Variants in NRXN3 observed in about 807,000 individuals in gnomAD.
The protein encoded by NRXN3 is neurexin III.
In NRXN3, 32 loss-of-function variants were observed where a neutral mutation model predicts 137.6. That is an observed-to-expected ratio of 0.23 (90% CI 0.18 to 0.31). The LOEUF (loss-of-function observed/expected upper bound fraction) is 0.31. NRXN3 is among the 10% of genes least tolerant of loss of function. The pLI, the probability that NRXN3 is intolerant of heterozygous loss-of-function variation, is 1.00. For synonymous variants in NRXN3, 798 were observed against 784.5 expected, an observed-to-expected ratio of 1.02 and a Z score of -0.29; for missense variants, 1,574 against 2,062.5, an observed-to-expected ratio of 0.76 and a Z score of 4.59.
At chr14:79,674,588 C>T (rs1353323645) in intron 17 of NRXN3, among the ~76,000 whole-genome samples, 2 of 151,960 alleles carry the variant, frequency 1.3e-5, no homozygotes, top group Non-Finnish European at 2.9e-5. Flanking sequence ...CCAGGTTGCC[C>T]ACTCCACTTT....
chr14:78,384,362 G>A (rs1408406538), intron 4 of NRXN3, among the ~76,000 whole-genome samples: 1 of 151,984 alleles, frequency 6.6e-6, no homozygotes, highest in African/African-American at 2.4e-5. Flanking sequence ...AGGAGAGGCT[G>A]GAATGTTGGA....
At chr14:79,027,181 A>G (rs2099600065) in intron 15 of NRXN3, among the ~76,000 whole-genome samples, 1 of 151,268 alleles carries the variant, frequency 6.6e-6, no homozygotes, top group South Asian at 2.1e-4. Flanking sequence ...AAAGCCATAT[A>G]TTCTTTTTTT....
intron 10 of NRXN3, among the ~76,000 whole-genome samples, chr14:78,851,386 G>A (rs2099042101): frequency 6.6e-6 from 1 of 152,164 alleles, no homozygotes. Flanking sequence ...GCAAGCCAGT[G>A]CAAACAGTCT....
intron 11 of NRXN3, among the ~76,000 whole-genome samples, chr14:78,965,431 C>T (rs1235415519): frequency 1.3e-5 from 2 of 152,052 alleles, no homozygotes; most frequent in African/African-American, 4.8e-5. Context: ...ATTGAGTGGT[C>T]TAGGCTGAGT....
At chr14:78,926,834 TA>T (rs1302485265) in intron 10 of NRXN3, among the ~76,000 whole-genome samples, 267 of 24,396 alleles carry the variant, frequency 0.011, 11 homozygotes, top group Middle Eastern at 0.11. Context: ...ATATAATTTA[TA>T]TAAATATATA....
intron 15 of NRXN3, among the ~76,000 whole-genome samples, chr14:79,218,183 C>T (rs772058340): frequency 7.2e-5 from 11 of 152,156 alleles, no homozygotes; most frequent in Non-Finnish European, 1.2e-4. Flanking sequence ...CTATAGTTTG[C>T]ACCCGAAAGC....
chr14:79,030,598 T>A (rs537773915), intron 15 of NRXN3, among the ~76,000 whole-genome samples: 5 of 151,060 alleles, frequency 3.3e-5, no homozygotes, highest in African/African-American at 1.2e-4. Flanking sequence ...TACCTCAAAT[T>A]GTACAGGTAC....
At chr14:79,240,063 T>C (rs2074029004) in intron 15 of NRXN3, among the ~76,000 whole-genome samples, 1 of 152,094 alleles carries the variant, frequency 6.6e-6, no homozygotes, top group African/African-American at 2.4e-5. Context: ...TTAGAAGGAA[T>C]TGATGATAAG....
chr14:79,759,672 A>G (rs747073105), intron 19 of NRXN3, among the ~76,000 whole-genome samples: 50 of 151,690 alleles, frequency 3.3e-4, no homozygotes, highest in Admixed American at 1.2e-3. Context: ...TTCAAAGCAA[A>G]TATCTGCTAT....
chr14:79,082,164 C>T (rs1482932393), intron 15 of NRXN3, among the ~76,000 whole-genome samples: 8 of 151,612 alleles, frequency 5.3e-5, no homozygotes, highest in African/African-American at 1.9e-4. Flanking sequence ...TACATATATA[C>T]ATCTATATAT....
intron 4 of NRXN3, among the ~76,000 whole-genome samples, chr14:78,635,705 A>T (rs1003715575): frequency 4.6e-5 from 7 of 151,986 alleles, no homozygotes; most frequent in African/African-American, 1.7e-4. Flanking sequence ...AGTACTTTTG[A>T]TGATTCTTTT....
Position 78,243,783 on chromosome 14 carries a change from T to G in NRXN3, c.690T>G (p.Gly230=). ...PTCDCSTTGY[G]GKLCSEDVSQ... is the part of the protein sequence containing the mutation. ...GTGACTGTTCTACCACTGGCTATGG[T>G]GGCAAGCTCTGCTCAGAAGGTAAGA... Residue 230 remains glycine (G), a synonymous_variant, in exon 2 of 21, where the codon GGT becomes GGG. Transcript: ENST00000335750. This position sits in a 1 kb window ranked among gnomAD's most constrained non-coding sequence, Gnocchi z 4.2. The G allele has an allele frequency of 6.3e-7, 1 of 1,586,150 alleles. No individual in the cohort carries two copies. The highest frequency in any genetic ancestry group is 1.7e-5 in the Admixed American group (1 of 59,246).
intron 19 of NRXN3, among the ~76,000 whole-genome samples, chr14:79,728,194 C>T (rs1603451023): frequency 1.3e-5 from 2 of 152,152 alleles, no homozygotes; most frequent in African/African-American, 4.8e-5. Context: ...CTACCTGGAA[C>T]AGTCTGATTT....
At chr14:78,680,545 T>C (rs2098063951) in intron 6 of NRXN3, among the ~76,000 whole-genome samples, 1 of 152,212 alleles carries the variant, frequency 6.6e-6, no homozygotes, top group Non-Finnish European at 1.5e-5. Flanking sequence ...CAGTGGAATC[T>C]GAGTTTGGAA....
intron 8 of NRXN3, among the ~76,000 whole-genome samples, chr14:78,723,410 G>T (rs1241976601): frequency 4.6e-5 from 7 of 152,196 alleles, no homozygotes; most frequent in Non-Finnish European, 8.8e-5. Flanking sequence ...AGCTGAAATT[G>T]AATTAGAGCA....
chr14:79,269,494 G>A (rs1389125394), intron 15 of NRXN3, among the ~76,000 whole-genome samples: 2 of 152,108 alleles, frequency 1.3e-5, no homozygotes, highest in South Asian at 2.1e-4. Context: ...TTTATCCTAG[G>A]TATCTCCTGA....
chr14:79,825,431 G>A (rs775283621), intron 20 of NRXN3, among the ~76,000 whole-genome samples: 1 of 152,110 alleles, frequency 6.6e-6, no homozygotes, highest in Non-Finnish European at 1.5e-5. Context: ...TTAATGAGTA[G>A]CCACGTTGAC....
At chr14:79,805,482 C>A (rs927260231) in intron 20 of NRXN3, among the ~76,000 whole-genome samples, 3 of 151,996 alleles carry the variant, frequency 2.0e-5, no homozygotes, top group Non-Finnish European at 4.4e-5. Flanking sequence ...CCCAGACTTA[C>A]CACTGGAGCA....
intron 4 of NRXN3, among the ~76,000 whole-genome samples, chr14:78,548,352 G>T (rs2096655589): frequency 6.6e-6 from 1 of 152,088 alleles, no homozygotes; most frequent in Non-Finnish European, 1.5e-5. Context: ...AGGTGGCTTT[G>T]AGCTATAGGT....
Sources: allele counts gnomAD v4.1 joint callset (sites outside exome capture counted in the v4.1 genomes callset), GRCh38; gene constraint gnomAD v4.1.1; non-coding constraint Gnocchi (gnomAD v3.1); transcripts MANE v1.5; gene names NCBI Gene and HGNC (gene_info 2026-07-23, HGNC 2026-07-21).